TNRC6A: variants seen among roughly 807,000 people sequenced by gnomAD.
TNRC6A encodes trinucleotide repeat containing adaptor 6A.
Under a neutral mutation model 221.2 loss-of-function variants are expected in TNRC6A, and 44 were observed. That is an observed-to-expected ratio of 0.20 (90% CI 0.16 to 0.26). The LOEUF is 0.26. Ranked by LOEUF, TNRC6A falls within the 10% of genes least tolerant of loss-of-function variation. TNRC6A has a pLI of 1.00. For synonymous variants in TNRC6A, 847 were observed against 838.5 expected, an observed-to-expected ratio of 1.01 and a Z score of -0.18; for missense variants, 2,199 against 2,404.4, an observed-to-expected ratio of 0.91 and a Z score of 1.79.
In TNRC6A at chr16:24,790,838, T is replaced by C; in HGVS notation, c.2196T>C (p.Thr732=). 1 of 1,614,116 alleles carries C rather than the reference T, an allele frequency of 6.2e-7. No homozygotes were observed. Among genetic ancestry groups the C allele is most frequent in the East Asian group, 2.2e-5 (1 of 44,888 alleles). The change falls in exon 6 of 25, where the codon ACT becomes ACC. Residue 732 remains threonine, a synonymous_variant. Coordinates refer to ENST00000395799, the MANE Select transcript of TNRC6A (RefSeq NM_014494.4). ...GACAGACTCCTATTAAGCAGAATAC[T>C]GCCTGGGATACAGAAACATCACCTA... ...GWGQTPIKQN[T]AWDTETSPRG... is the part of the protein sequence containing the mutation.
At chr16:24,705,403 C>T (rs528090309) in intron 2 of TNRC6A, among the ~76,000 whole-genome samples, 26 of 152,098 alleles carry the variant, frequency 1.7e-4, no homozygotes, top group African/African-American at 6.3e-4. Flanking sequence ...ACGATCTCAG[C>T]TCACTGCAGC....
rs57831728 is a variant in TNRC6A, at chr16:24,729,684, TCGG to T, written c.-126_-124del. On this transcript the variant is annotated 5_prime_UTR_variant, in exon 1 of 25. Coordinates refer to ENST00000395799, the MANE Select transcript of TNRC6A (RefSeq NM_014494.4). ...TCTGGGGCCTGCGGCGGCGGCGGTG[TCGG>T]CGGCGGCGGCGGCGGCGGCGGCGGC... is the stretch of plus-strand genomic sequence containing the variant. 197,554 of 620,080 alleles carry T rather than the reference TCGG, an allele frequency of 0.32. 32,026 individuals carry two copies. Among genetic ancestry groups the T allele is most frequent in the East Asian group, 0.43 (11,462 of 26,818 alleles). 38.4% of individuals were successfully genotyped at this position (620,080 alleles called of 1,614,324 possible).
At position 24,746,407 on chromosome 16, in the gene TNRC6A, G is replaced by A. The variant is rs536072583; in HGVS notation, c.54-4319G>A. Among the ~76,000 whole-genome samples, 4 of 152,214 alleles carry A rather than the reference G, an allele frequency of 2.6e-5. No individual in the cohort carries two copies. The South Asian group carries it at 6.2e-4, about 24-fold the overall frequency. ...GCTCGGGGCAACTGAGTGAGACTTCGTCTCTAAATAAATAAATAAGAAGTT... is the reference window on the plus strand; with the variant it reads ...GCTCGGGGCAACTGAGTGAGACTTCATCTCTAAATAAATAAATAAGAAGTT... On this transcript the variant is annotated intron_variant, in intron 2 of 24. Coordinates refer to ENST00000395799, the MANE Select transcript of TNRC6A (RefSeq NM_014494.4).
intron 5 of TNRC6A, among the ~76,000 whole-genome samples, chr16:24,782,931 C>CTGTCTCTCT (rs2057883809): frequency 6.6e-6 from 1 of 152,126 alleles, no homozygotes; most frequent in African/African-American, 2.4e-5. Context: ...CCCAATGGTA[C>CTGTCTCTCT]CATCTCTCTC....
At chr16:24,694,653 C>CAAAA (rs145287258) in intron 2 of TNRC6A, among the ~76,000 whole-genome samples, 1 of 54,842 alleles carries the variant, frequency 1.8e-5, no homozygotes, top group Non-Finnish European at 3.1e-5. Context: ...GACTCTGTCT[C>CAAAA]AAAAAAAAAA....
intron 4 of TNRC6A, among the ~76,000 whole-genome samples, chr16:24,768,219 C>G (rs1333038056): frequency 3.9e-5 from 6 of 151,996 alleles, no homozygotes; most frequent in Non-Finnish European, 7.4e-5. Flanking sequence ...ACCACGAGGT[C>G]AGGAGATTGA....
At chr16:24,658,061 G>A (rs561777213) in intron 2 of TNRC6A, among the ~76,000 whole-genome samples, 2 of 151,964 alleles carry the variant, frequency 1.3e-5, no homozygotes, top group Non-Finnish European at 1.5e-5. Context: ...TTATTTCTCC[G>A]TGCCTGGATA....
chr16:24,804,841 C>A lies in TNRC6A; in HGVS notation c.3974C>A (p.Ser1325Tyr). 3 of 1,613,184 alleles carry A rather than the reference C, an allele frequency of 1.9e-6. No homozygotes were observed. The highest frequency in any genetic ancestry group is 1.7e-6 in the Non-Finnish European group (2 of 1,179,818). Residue 1325 changes from serine (S) to tyrosine (Y), a missense_variant, in exon 13 of 25, where the codon TCT (serine) becomes TAT (tyrosine). Physicochemically the swap from Ser to Tyr is moderately radical, Grantham distance 144. Around this residue, in one of 8 missense-constraint regions of TNRC6A, gnomAD observed 449 missense variants for 579.7 expected, o/e 0.77. Transcript: ENST00000395799. ...GGGCTGGGTATGCAAAACTTGAATT[C>A]TGTTAGACAGGTAAGTCCAGATGTG... ...IAGLGMQNLN[S>Y]VRQNGNPSMF...
At chr16:24,732,772 C>T (rs1303312196) in intron 2 of TNRC6A, among the ~76,000 whole-genome samples, 3 of 152,158 alleles carry the variant, frequency 2.0e-5, no homozygotes, top group Non-Finnish European at 4.4e-5. Context: ...TAGCACTCCC[C>T]GTCCAGTTGT....
chr16:24,688,719 C>T (rs1037161398), intron 2 of TNRC6A, among the ~76,000 whole-genome samples: 1 of 152,158 alleles, frequency 6.6e-6, no homozygotes, highest in Non-Finnish European at 1.5e-5. Context: ...AGTGTAGAAG[C>T]TAGGCCAGCA....
intron 2 of TNRC6A, among the ~76,000 whole-genome samples, chr16:24,690,017 AAAAAAAAAAAT>A (rs1177561634): frequency 7.2e-4 from 40 of 55,930 alleles, no homozygotes; most frequent in African/African-American, 9.5e-4. Context: ...AAAAAAAAAA[AAAAAAAAAAAT>A]TTTTTTTTTT....
intron 2 of TNRC6A, among the ~76,000 whole-genome samples, chr16:24,660,721 C>CTTTTTTTTTTT (rs1361639293): frequency 1.6e-5 from 2 of 126,764 alleles, no homozygotes; most frequent in African/African-American, 3.0e-5. Flanking sequence ...CTTTCTTTTT[C>CTTTTTTTTTTT]TTTTTTCTTT....
intron 2 of TNRC6A, among the ~76,000 whole-genome samples, 159 bp downstream of exon 2, chr16:24,730,459 G>A (rs2151155437): frequency 6.6e-6 from 1 of 151,140 alleles, no homozygotes; most frequent in Non-Finnish European, 1.5e-5. Context: ...TGGAGGGATT[G>A]CGGGGAGATG....
chr16:24,711,908 G>T (rs2142313917), intron 2 of TNRC6A, among the ~76,000 whole-genome samples: 1 of 152,152 alleles, frequency 6.6e-6, no homozygotes, highest in South Asian at 2.1e-4. Flanking sequence ...CGATCCTCCT[G>T]CCTCAGCCTC....
In TNRC6A at chr16:24,794,760, C is replaced by G. The variant is rs555706221; in HGVS notation, c.3528+41C>G. On this transcript the variant is annotated intron_variant, in intron 8 of 24. Transcript: ENST00000395799. ...GCAAAGCCCTTGAAACTTTAAATTC[C>G]AAAGGTAGTTTACCCACAGAAAATT... 59 of 1,565,254 alleles carry G rather than the reference C, an allele frequency of 3.8e-5. 3 individuals are homozygous for G. The South Asian group carries it at 7.0e-4, about 18-fold the overall frequency.
At chr16:24,649,962 T>C (rs1184953677) in intron 2 of TNRC6A, among the ~76,000 whole-genome samples, 1 of 151,712 alleles carries the variant, frequency 6.6e-6, no homozygotes, top group Non-Finnish European at 1.5e-5. Flanking sequence ...TAGCTGGTAT[T>C]ACAGGCATGC....
In TNRC6A at chr16:24,791,314, G is replaced by A. The variant is rs2058095445; in HGVS notation, c.2672G>A (p.Gly891Asp). 3 of 1,609,480 alleles carry A rather than the reference G, an allele frequency of 1.9e-6. No individual in the cohort carries two copies. Among genetic ancestry groups the A allele is most frequent in the South Asian group, 2.2e-5 (2 of 90,322 alleles). Residue 891 changes from glycine (G) to aspartate (D), a missense_variant, in exon 6 of 25, where the codon GGT becomes GAT. By Grantham distance (94) the Gly-to-Asp change is moderately conservative (BLOSUM62 -1). Around this residue, in one of 8 missense-constraint regions of TNRC6A, gnomAD observed 1,405 missense variants for 1,400.2 expected, o/e 1.00. Transcript: ENST00000395799. ...TCCGTTTCCGGTTGGAACGAACTTG[G>A]TAAAACTAGTTCTTTCACTTGGGGA... ...DRSVSGWNEL[G>D]KTSSFTWGNN...
At chr16:24,715,821 A>G (rs547093910) in intron 2 of TNRC6A, among the ~76,000 whole-genome samples, 2 of 151,488 alleles carry the variant, frequency 1.3e-5, no homozygotes, top group East Asian at 3.9e-4. Context: ...GGGTTTCCCT[A>G]TGTTGGCCAG....
chr16:24,701,292 G>C (rs905484909), intron 2 of TNRC6A, among the ~76,000 whole-genome samples: 1 of 152,122 alleles, frequency 6.6e-6, no homozygotes, highest in East Asian at 1.9e-4. Flanking sequence ...TCCTCTGCTG[G>C]CATCTGGCTC....
Sources: gnomAD v4.1 joint callset for allele counts (sites outside exome capture counted in the v4.1 genomes callset) on GRCh38, gnomAD v4.1.1 for gene constraint, gnomAD v4.1.1 regional missense constraint, MANE v1.5 for transcripts, NCBI Gene and HGNC (gene_info 2026-07-23, HGNC 2026-07-21) for gene names.